Variants in XRCC5 observed in about 807,000 individuals in gnomAD.
XRCC5 encodes the protein X-ray repair cross complementing 5.
Under a neutral mutation model 95.7 loss-of-function variants are expected in XRCC5, and 12 were observed. That is an observed-to-expected ratio of 0.13 (90% confidence interval 0.08 to 0.20). The LOEUF (loss-of-function observed/expected upper bound fraction) is 0.20, where lower values mean the gene tolerates loss of function less well. Among genes scored for constraint, XRCC5 ranks in the 10% least tolerant of loss-of-function variants. The probability of loss-of-function intolerance (pLI) is 1.00; values close to 1 mark genes in which losing one functional copy is unlikely to be tolerated. For missense variants in XRCC5, 595 were observed against 873.9 expected (o/e 0.68, Z 4.02); for synonymous variants, 281 against 290.3 (o/e 0.97, Z 0.33).
intron 13 of XRCC5, among the ~76,000 whole-genome samples, chr2:216,142,563 C>T (rs909170882): frequency 5.9e-5 from 9 of 151,860 alleles, no homozygotes; most frequent in African/African-American, 2.2e-4. Flanking sequence ...TTGATGACAG[C>T]AGGACATAGG....
chr2:216,147,489 T>C (rs41296404), intron 13 of XRCC5, among the ~76,000 whole-genome samples: 2,328 of 152,184 alleles, frequency 0.015, 72 homozygotes, highest in African/African-American at 0.054. Context: ...GTGATAGGGC[T>C]TGGGCAAGAA....
At chr2:216,118,519 G>A (rs1050959242) in intron 4 of XRCC5, among the ~76,000 whole-genome samples, 1 of 152,252 alleles carries the variant, frequency 6.6e-6, no homozygotes, top group East Asian at 1.9e-4. Flanking sequence ...TGCCTTGGAA[G>A]TGTATCTCTG....
chr2:216,148,261 A>C lies in XRCC5; in HGVS notation c.1655A>C (p.Glu552Ala). Residue 552 changes from glutamate (E) to alanine (A), a missense_variant, in exon 14 of 21, where the codon GAA (glutamate) becomes GCA (alanine). This residue lies in a region of XRCC5 where 309 missense variants were observed against 382.9 expected (regional missense o/e 0.81). Transcript: ENST00000392132. ...AKKKDQVTAQ[E>A]IFQDNHEDGP... The stretch of plus-strand genomic sequence containing the variant: ...AAAAAGGATCAAGTGACTGCTCAGG[A>C]AATTTTCCAAGACAAGTAAGTACTT... The C allele has an allele frequency of 6.2e-7, 1 of 1,609,764 alleles. No individual in the cohort carries two copies. Among genetic ancestry groups the C allele is most frequent in the South Asian group, 1.1e-5 (1 of 90,298 alleles).
At chr2:216,204,066 A>G (rs890819894) in intron 19 of XRCC5, 3 of 484,186 alleles carry the variant, frequency 6.2e-6, no homozygotes, top group Non-Finnish European at 1.1e-5. Flanking sequence ...TCGACAAGCC[A>G]TGTTCTTTCC....
chr2:216,133,496 C>T lies in XRCC5; in HGVS notation c.1113+1109C>T, dbSNP rs41296370. On this transcript the variant is annotated intron_variant, in intron 10 of 20. Coordinates refer to ENST00000392132, the MANE Select transcript of XRCC5 (RefSeq NM_021141.4). ...TTGCTTCTGCTGAAGTTTTAACTTC[C>T]ACTTACTGTCTCTTTATGCAAAGAA... 7.2e-5 allele frequency among the ~76,000 whole-genome samples: 11 copies of T among 152,248 alleles called. No individual in the cohort carries two copies. The East Asian group carries it at 1.7e-3, about 24-fold the overall frequency.
chr2:216,175,878 C>T, intron 16 of XRCC5: 1 of 425,686 alleles, frequency 2.3e-6, no homozygotes, highest in Non-Finnish European at 4.6e-6. Flanking sequence ...TCTCTTAACC[C>T]ATCATCTGTA....
intron 14 of XRCC5, among the ~76,000 whole-genome samples, chr2:216,154,634 A>G (rs1688808757): frequency 6.6e-6 from 1 of 152,246 alleles, no homozygotes; most frequent in African/African-American, 2.4e-5. Context: ...AAAAGTAGTG[A>G]TTCTTAATCA....
rs771255396 is a variant in XRCC5 at position 216,117,783 on chromosome 2, A to G, written c.357A>G (p.Gln119=). Residue 119 remains glutamine (Q), a synonymous_variant, in exon 4 of 21, where the codon CAA becomes CAG. Coordinates refer to ENST00000392132, the MANE Select transcript of XRCC5 (RefSeq NM_021141.4). ...DALIVSMDVI[Q]HETIGKKFEK... The stretch of plus-strand genomic sequence containing the variant: ...TAATCGTGAGCATGGATGTGATTCA[A>G]CATGAAACAATGTAAGTGTTCCAAG... 7 of 1,614,040 alleles carry G rather than the reference A, an allele frequency of 4.3e-6. No individual in the cohort carries two copies. The African/African-American group carries it at 6.7e-5, about 15-fold the overall frequency.
intron 8 of XRCC5, among the ~76,000 whole-genome samples, chr2:216,129,567 T>G (rs2106008241): frequency 6.6e-6 from 1 of 152,356 alleles, no homozygotes; most frequent in South Asian, 2.1e-4. Context: ...GACAAACATT[T>G]GGTTTAGGTA....
chr2:216,188,963 C>T (rs536118269), intron 16 of XRCC5, among the ~76,000 whole-genome samples: 4 of 152,158 alleles, frequency 2.6e-5, no homozygotes, highest in Non-Finnish European at 4.4e-5. Context: ...AGGGATGAAA[C>T]GGTTACTGGG....
At chr2:216,199,220 T>C (rs546891434) in intron 19 of XRCC5, among the ~76,000 whole-genome samples, 11 of 152,356 alleles carry the variant, frequency 7.2e-5, no homozygotes, top group Admixed American at 3.3e-4. Flanking sequence ...GTTAGCAAGC[T>C]GTCAAATTCT....
chr2:216,166,363 C>G (rs1400419816), intron 16 of XRCC5, among the ~76,000 whole-genome samples: 5 of 152,204 alleles, frequency 3.3e-5, no homozygotes, highest in African/African-American at 1.2e-4. Flanking sequence ...TTCAAGCGAT[C>G]TGCCTGCCTT....
intron 16 of XRCC5, among the ~76,000 whole-genome samples, chr2:216,171,017 G>T (rs1689155482): frequency 6.6e-6 from 1 of 152,198 alleles, no homozygotes; most frequent in Non-Finnish European, 1.5e-5. Context: ...GTTTCAGATT[G>T]TGCTGATGTG....
chr2:216,122,905 T>C (rs1696836850), intron 6 of XRCC5, among the ~76,000 whole-genome samples: 1 of 152,222 alleles, frequency 6.6e-6, no homozygotes, highest in Non-Finnish European at 1.5e-5. Context: ...CTAGAGACTA[T>C]GGAAGAGACC....
At chr2:216,164,777 C>T (rs1235390361) in intron 16 of XRCC5, among the ~76,000 whole-genome samples, 2 of 152,160 alleles carry the variant, frequency 1.3e-5, no homozygotes, top group African/African-American at 4.8e-5. Flanking sequence ...AGTGTCAGTA[C>T]AACTCTGGAA....
intron 16 of XRCC5, chr2:216,176,117 C>G (rs1381524261): frequency 2.9e-5 from 5 of 171,066 alleles, no homozygotes; most frequent in African/African-American, 1.2e-4. Flanking sequence ...AATACTAATT[C>G]AATTTTTTTC....
intron 19 of XRCC5, among the ~76,000 whole-genome samples, chr2:216,199,176 A>G (rs916897170): frequency 5.9e-5 from 9 of 152,252 alleles, no homozygotes; most frequent in Non-Finnish European, 1.2e-4. Context: ...GTCTATTTAA[A>G]TTCTTTTGAG....
chr2:216,132,432 T>C (rs763231488), intron 10 of XRCC5, 45 bp downstream of exon 10: 2 of 1,592,998 alleles, frequency 1.3e-6, no homozygotes, highest in Admixed American at 3.3e-5. Flanking sequence ...AGAATTGAAT[T>C]GTAAGTCTAT....
intron 16 of XRCC5, among the ~76,000 whole-genome samples, chr2:216,167,477 A>G (rs1283864362): frequency 6.6e-6 from 1 of 151,934 alleles, no homozygotes; most frequent in Non-Finnish European, 1.5e-5. Context: ...ACTTACATAC[A>G]TTATGTGATT....
Sources: allele counts gnomAD v4.1 joint callset (sites outside exome capture counted in the v4.1 genomes callset), GRCh38; gene constraint gnomAD v4.1.1; regional missense constraint gnomAD v4.1.1; transcripts MANE v1.5; gene names NCBI Gene and HGNC (gene_info 2026-07-23, HGNC 2026-07-21).